Variants in VPS13D observed in about 807,000 individuals in gnomAD.
The protein encoded by VPS13D is vacuolar protein sorting 13 homolog D, also known as intermembrane lipid transfer protein VPS13D.
Under a neutral mutation model 461.9 loss-of-function variants are expected in VPS13D, and 187 were observed. The observed-to-expected ratio is 0.40, with a 90% CI of 0.36 to 0.46. The LOEUF is 0.46. VPS13D is among the 20% of genes least tolerant of loss of function. The pLI is 0.60. For synonymous variants in VPS13D, 1,951 were observed against 1,986.3 expected (o/e 0.98, Z 0.47); for missense variants, 4,711 against 5,364.9 (o/e 0.88, Z 3.81).
chr1:12,311,740 A>G, intron 28 of VPS13D, 73 bp from the exon 29 acceptor site: 1 of 1,583,748 alleles, frequency 6.3e-7, no homozygotes, highest in Non-Finnish European at 8.6e-7. Context: ...AGCAAATTAG[A>G]TTTCTTGGCG....
At chr1:12,340,292 ATGAC>A (rs1643540000) in intron 40 of VPS13D, among the ~76,000 whole-genome samples, 1 of 152,132 alleles carries the variant, frequency 6.6e-6, no homozygotes, top group Non-Finnish European at 1.5e-5. Context: ...GTATCTCTAA[ATGAC>A]TGACCACAAA....
At chr1:12,357,498 A>G (rs1430013055) in intron 49 of VPS13D, among the ~76,000 whole-genome samples, 1 of 152,254 alleles carries the variant, frequency 6.6e-6, no homozygotes, top group African/African-American at 2.4e-5. Flanking sequence ...AGCATTTCAC[A>G]TAGACCATCT....
In VPS13D at chr1:12,495,993, GC is replaced by G. The variant is rs1198123588; in HGVS notation, c.12663-1503del. The stretch of plus-strand genomic sequence containing the variant: ...CTTCTCTCCTGATGGGTTAGCAGCG[GC>G]CCCTCTACCGCCCTCCCCACTTTCG... On this transcript the variant is annotated intron_variant, in intron 67 of 69. Coordinates refer to ENST00000620676, the MANE Select transcript of VPS13D (RefSeq NM_015378.4). The surrounding 1 kb of genome is among the most constrained non-coding windows in gnomAD (Gnocchi z 4.0). 6.6e-6 allele frequency among the ~76,000 whole-genome samples: 1 copy of G among 152,174 alleles called. No individual in the cohort carries two copies. Among genetic ancestry groups the G allele is most frequent in the Non-Finnish European group, 1.5e-5 (1 of 68,036 alleles).
intron 66 of VPS13D, among the ~76,000 whole-genome samples, chr1:12,457,908 G>A (rs534891179): frequency 1.3e-5 from 2 of 152,128 alleles, no homozygotes; most frequent in East Asian, 1.9e-4. Flanking sequence ...ATTCTTTCTC[G>A]TAATGGTAAT....
chr1:12,388,959 G>A (rs530635419), intron 60 of VPS13D, among the ~76,000 whole-genome samples: 56 of 152,148 alleles, frequency 3.7e-4, no homozygotes, highest in Admixed American at 3.7e-3. Context: ...TGTAGTCGGG[G>A]TTCTCTTAGA....
intron 52 of VPS13D, among the ~76,000 whole-genome samples, chr1:12,368,199 G>T (rs376282915): frequency 1.3e-5 from 2 of 152,016 alleles, no homozygotes; most frequent in Non-Finnish European, 2.9e-5. Context: ...ATACATACAC[G>T]TACATTACAT....
intron 35 of VPS13D, among the ~76,000 whole-genome samples, chr1:12,324,761 T>C (rs1569908733): frequency 6.6e-6 from 1 of 152,218 alleles, no homozygotes; most frequent in Non-Finnish European, 1.5e-5. Flanking sequence ...CTAATGGCGG[T>C]GATATTGATA....
intron 68 of VPS13D, chr1:12,499,901 C>T (rs1646013325): frequency 5.1e-6 from 5 of 985,286 alleles, no homozygotes. Flanking sequence ...CCAAATTATA[C>T]CTCTGACTTT....
At chr1:12,422,778 AG>A (rs540708643) in intron 65 of VPS13D, among the ~76,000 whole-genome samples, 30 of 152,056 alleles carry the variant, frequency 2.0e-4, no homozygotes, top group Non-Finnish European at 4.0e-4. Context: ...AGAGAAGTTA[AG>A]TCTTCAAGGT....
chr1:12,368,705 A>G (rs1217806510), intron 53 of VPS13D, 114 bp downstream of exon 53: 2 of 1,263,388 alleles, frequency 1.6e-6, no homozygotes, highest in African/African-American at 1.5e-5. Context: ...AAAGGAAACT[A>G]TATGGATAGG....
At position 12,373,841 on chromosome 1, in the gene VPS13D, G is replaced by A. The variant is rs766212729; in HGVS notation, c.10900G>A (p.Val3634Ile). The A allele has an allele frequency of 1.6e-5, 25 of 1,606,188 alleles. No homozygotes were observed. The highest frequency in any genetic ancestry group is 2.1e-5 in the Non-Finnish European group (25 of 1,176,116). ...VLDVSPKTQR[V>I]ILKKKEPGKR... Reference sequence around the variant, plus strand: ...GGATGTCTCACCCAAGACACAAAGAGTCATTTTAAAAAAGAAGGTAAGAGA... The same window carrying A: ...GGATGTCTCACCCAAGACACAAAGAATCATTTTAAAAAAGAAGGTAAGAGA... The change falls in exon 55 of 70, where the codon GTC (valine) becomes ATC (isoleucine). Residue 3634 changes from valine to isoleucine, a missense_variant. Around this residue, in one of 3 missense-constraint regions of VPS13D, gnomAD observed 4,411 missense variants for 4,937.8 expected, o/e 0.89. Transcript: ENST00000620676.
chr1:12,327,852 C>T lies in VPS13D; in HGVS notation c.8195C>T (p.Ser2732Phe), dbSNP rs202000861. 2.5e-5 allele frequency: 40 copies of T among 1,613,526 alleles called. No individual in the cohort carries two copies. The highest frequency in any genetic ancestry group is 3.1e-5 in the Non-Finnish European group (37 of 1,179,950). Residue 2732 changes from serine to phenylalanine, a missense_variant and splice_region_variant, in exon 36 of 70, where the codon TCC becomes TTC. Ser to Phe is a radical substitution (Grantham distance 155). This residue lies in a region of VPS13D where 4,411 missense variants were observed against 4,937.8 expected (regional missense o/e 0.89). Transcript: ENST00000620676. ...GTTCCTCTCGCTGAACTCACCTTTT[C>T]CCGTGAGTGTTGTACTGGTTTTCAG... is the stretch of plus-strand genomic sequence containing the variant. ...CDVPLAELTF[S>F]RLNFLQRVRT...
intron 55 of VPS13D, among the ~76,000 whole-genome samples, chr1:12,374,297 T>C (rs1644167746): frequency 6.6e-6 from 1 of 152,234 alleles, no homozygotes; most frequent in Non-Finnish European, 1.5e-5. Context: ...GGTTAAAGTG[T>C]ATGAACTGGC....
chr1:12,345,640 G>T, intron 43 of VPS13D, 131 bp downstream of exon 43: 1 of 1,267,908 alleles, frequency 7.9e-7, no homozygotes, highest in Non-Finnish European at 1.1e-6. Context: ...GACTGGGTCA[G>T]TCATAGGCAT....
intron 65 of VPS13D, among the ~76,000 whole-genome samples, chr1:12,433,017 G>GTACC (rs1645012518): frequency 6.6e-6 from 1 of 152,182 alleles, no homozygotes; most frequent in South Asian, 2.1e-4. Flanking sequence ...TAGTACCTTA[G>GTACC]TACCTTTTCT....
intron 39 of VPS13D, chr1:12,337,968 T>G (rs1180712667): frequency 2.7e-6 from 1 of 369,152 alleles, no homozygotes; most frequent in African/African-American, 2.1e-5. Context: ...GAAGGTTCAA[T>G]ACATATTCTT....
At chr1:12,239,859 G>T (rs1334047634) in intron 2 of VPS13D, among the ~76,000 whole-genome samples, 2 of 152,114 alleles carry the variant, frequency 1.3e-5, no homozygotes, top group Admixed American at 6.6e-5. Flanking sequence ...TGTCTGCCTG[G>T]AGTGAGTGAC....
chr1:12,377,981 T>C (rs1395992298), intron 55 of VPS13D, among the ~76,000 whole-genome samples: 1 of 152,144 alleles, frequency 6.6e-6, no homozygotes, highest in Non-Finnish European at 1.5e-5. Flanking sequence ...AGACCTCTGG[T>C]AAATTCTGAT....
chr1:12,334,634 G>A (rs1032069049), intron 38 of VPS13D, among the ~76,000 whole-genome samples: 1 of 152,182 alleles, frequency 6.6e-6, no homozygotes, highest in Admixed American at 6.5e-5. Flanking sequence ...GCATAGTGGC[G>A]TGTGCCTGTA....
Sources: allele counts gnomAD v4.1 joint callset (sites outside exome capture counted in the v4.1 genomes callset), GRCh38; gene constraint gnomAD v4.1.1; regional missense constraint gnomAD v4.1.1; non-coding constraint Gnocchi (gnomAD v3.1); transcripts MANE v1.5; gene names NCBI Gene and HGNC (gene_info 2026-07-23, HGNC 2026-07-21).